AUTS2: variants seen among roughly 807,000 people sequenced by gnomAD.
AUTS2 encodes the protein activator of transcription and developmental regulator AUTS2, also known as autism susceptibility gene 2 protein.
AUTS2 carries 17 observed loss-of-function variants against 112.4 expected under a neutral mutation model. The ratio of observed to expected loss-of-function variants is 0.15; its 90% CI spans 0.10 to 0.23. The LOEUF (loss-of-function observed/expected upper bound fraction) is 0.23, where lower values mean the gene tolerates loss of function less well. AUTS2 is among the 10% of genes least tolerant of loss of function. The pLI is 1.00. For missense variants in AUTS2, 1,510 were observed against 1,701.6 expected (o/e 0.89, Z 1.98); for synonymous variants, 751 against 702.7 (o/e 1.07, Z -1.09).
At chr7:70,422,444 A>T (rs1419206435) in intron 4 of AUTS2, among the ~76,000 whole-genome samples, 1 of 152,110 alleles carries the variant, frequency 6.6e-6, no homozygotes, top group Admixed American at 6.5e-5. Context: ...CTTCAAGTGC[A>T]TGCTGTTATT....
At chr7:70,574,339 G>A (rs1248839323) in intron 5 of AUTS2, among the ~76,000 whole-genome samples, 8 of 152,108 alleles carry the variant, frequency 5.3e-5, no homozygotes, top group Admixed American at 5.2e-4. Flanking sequence ...GAGAGCTCTG[G>A]GCTCCATGTG....
At chr7:70,067,420 A>G (rs937691323) in intron 2 of AUTS2, among the ~76,000 whole-genome samples, 6 of 152,256 alleles carry the variant, frequency 3.9e-5, no homozygotes. Flanking sequence ...TGGGAAAAAT[A>G]TAGTGAGACT....
chr7:69,897,836 G>C lies in AUTS2; in HGVS notation c.310-1450G>C, dbSNP rs371758812. Among the ~76,000 whole-genome samples, 4 of 152,154 alleles carry C rather than the reference G, an allele frequency of 2.6e-5. No individual in the cohort carries two copies. The South Asian group carries it at 8.3e-4, about 32-fold the overall frequency. On this transcript the variant is annotated intron_variant, in intron 1 of 18. Transcript: ENST00000342771. ...AGGTCTCAGACTAATAGGAATGGCT[G>C]ATTTGGGGAGAGATGTCAGGGAGTA... is the stretch of plus-strand genomic sequence containing the variant.
chr7:70,654,622 A>T (rs1176784989), intron 5 of AUTS2, among the ~76,000 whole-genome samples: 1 of 152,224 alleles, frequency 6.6e-6, no homozygotes, highest in Non-Finnish European at 1.5e-5. Flanking sequence ...TATATATTTC[A>T]GGGTTAATAT....
intron 2 of AUTS2, among the ~76,000 whole-genome samples, chr7:70,079,880 G>A (rs13221694): frequency 0.14 from 20,999 of 152,144 alleles, 1,466 homozygotes; most frequent in South Asian, 0.19. Flanking sequence ...AGATCAAGGG[G>A]CCATATCTGG....
chr7:70,557,449 T>C (rs570401075), intron 5 of AUTS2, among the ~76,000 whole-genome samples: 14 of 152,348 alleles, frequency 9.2e-5, no homozygotes, highest in African/African-American at 3.4e-4. Context: ...GTTGATATTC[T>C]GGCGGCATAG....
intron 1 of AUTS2, among the ~76,000 whole-genome samples, chr7:69,629,042 T>A (rs1273139091): frequency 6.6e-6 from 1 of 152,154 alleles, no homozygotes; most frequent in Non-Finnish European, 1.5e-5. Context: ...TACGTGCATT[T>A]TGGGAAGTAT....
At position 69,702,323 on chromosome 7, in the gene AUTS2, G is replaced by C. The variant is rs149024294; in HGVS notation, c.309+102361G>C. Among the ~76,000 whole-genome samples the C allele has an allele frequency of 4.1e-3, 623 of 152,324 alleles. 4 individuals are homozygous for C. Among genetic ancestry groups the C allele is most frequent in the African/African-American group, 0.014 (574 of 41,560 alleles). On this transcript the variant is annotated intron_variant, in intron 1 of 18. Transcript: ENST00000342771. Reference sequence around the variant, plus strand: ...TAAAAGGGCTGTAGTTTAGTATTCAGATGTGGTTCTGGTTGTGCAAGGATA... The same window carrying C: ...TAAAAGGGCTGTAGTTTAGTATTCACATGTGGTTCTGGTTGTGCAAGGATA...
chr7:69,991,679 A>G (rs1238524817), intron 2 of AUTS2, among the ~76,000 whole-genome samples: 8 of 152,200 alleles, frequency 5.3e-5, no homozygotes, highest in Admixed American at 3.9e-4. Flanking sequence ...ATTAAATGCT[A>G]TATGGTATGA....
intron 5 of AUTS2, among the ~76,000 whole-genome samples, chr7:70,570,443 G>A (rs1763978763): frequency 1.3e-5 from 2 of 152,168 alleles, no homozygotes; most frequent in South Asian, 4.1e-4. Flanking sequence ...TTCATATTCA[G>A]TGAAGATCCT....
At chr7:70,729,021 G>A (rs1198655552) in intron 6 of AUTS2, 1 of 363,908 alleles carries the variant, frequency 2.7e-6, no homozygotes, top group South Asian at 2.1e-5. Flanking sequence ...CCACCTCCGG[G>A]CAGGATTAGC....
chr7:70,096,188 C>CATTT (rs1350437788), intron 2 of AUTS2, among the ~76,000 whole-genome samples: 1 of 152,078 alleles, frequency 6.6e-6, no homozygotes, highest in Non-Finnish European at 1.5e-5. Flanking sequence ...GAAAACACTT[C>CATTT]ATTAAAGGGA....
chr7:70,194,054 G>C (rs1427984613), intron 4 of AUTS2, among the ~76,000 whole-genome samples: 1 of 152,162 alleles, frequency 6.6e-6, no homozygotes, highest in African/African-American at 2.4e-5. Flanking sequence ...TGATAAAGGA[G>C]ACCATCTCTT....
At chr7:69,932,966 A>G (rs1279817345) in intron 2 of AUTS2, among the ~76,000 whole-genome samples, 1 of 152,214 alleles carries the variant, frequency 6.6e-6, no homozygotes. Context: ...GAATTTCTGG[A>G]CACATTTTGC....
chr7:70,373,193 G>C (rs1242677822), intron 4 of AUTS2, among the ~76,000 whole-genome samples: 1 of 151,822 alleles, frequency 6.6e-6, no homozygotes, highest in Non-Finnish European at 1.5e-5. Flanking sequence ...CTGTGGGAGG[G>C]GCCAGGACAG....
At chr7:70,032,769 A>ATCC (rs1233222367) in intron 2 of AUTS2, among the ~76,000 whole-genome samples, 1 of 151,976 alleles carries the variant, frequency 6.6e-6, no homozygotes, top group East Asian at 1.9e-4. Context: ...CCTGTAAGGT[A>ATCC]TCCTCCTCCT....
chr7:70,496,400 G>GGC (rs1562994469), intron 5 of AUTS2, among the ~76,000 whole-genome samples: 1 of 58,168 alleles, frequency 1.7e-5, no homozygotes, highest in Non-Finnish European at 3.3e-5. Flanking sequence ...CACGTACACA[G>GGC]TCACACACAC....
chr7:70,163,362 A>AGG (rs1808216158), intron 4 of AUTS2, among the ~76,000 whole-genome samples: 1 of 1,922 alleles, frequency 5.2e-4, no homozygotes, highest in Non-Finnish European at 1.3e-3. Context: ...GGGGGGGCAG[A>AGG]GGGGGAGGGA....
intron 4 of AUTS2, among the ~76,000 whole-genome samples, chr7:70,179,702 A>G (rs1055181111): frequency 6.6e-6 from 1 of 152,230 alleles, no homozygotes; most frequent in Admixed American, 6.5e-5. Context: ...CTCTAAGGTT[A>G]GTATAAATTT....
Sources: allele counts gnomAD v4.1 joint callset (sites outside exome capture counted in the v4.1 genomes callset), GRCh38; gene constraint gnomAD v4.1.1; transcripts MANE v1.5; gene names NCBI Gene and HGNC (gene_info 2026-07-23, HGNC 2026-07-21).